The following P2RY1 variants were observed in gnomAD, a reference collection of about 807,000 sequenced individuals.
P2RY1 encodes the protein purinergic receptor P2Y1.
In P2RY1, 14 loss-of-function variants were observed where a neutral mutation model predicts 22.8. The observed-to-expected ratio is 0.61, with a 90% CI of 0.41 to 0.96. P2RY1 has a LOEUF of 0.96. Among genes scored for constraint, P2RY1 ranks in the 40% least tolerant of loss-of-function variants. The probability of loss-of-function intolerance (pLI) is 0.00; values close to 1 mark genes in which losing one functional copy is unlikely to be tolerated. For synonymous variants in P2RY1, 200 were observed against 195.1 expected (o/e 1.03, Z -0.21); for missense variants, 395 against 470.3 (o/e 0.84, Z 1.48).
In P2RY1 at chr3:152,836,341, C is replaced by A; in HGVS notation, c.559C>A (p.Leu187Ile). 1 of 1,614,088 alleles carries A rather than the reference C, an allele frequency of 6.2e-7. No individual in the cohort carries two copies. The highest frequency in any genetic ancestry group is 2.2e-5 in the East Asian group (1 of 44,872). The change falls in exon 1 of 1, where the codon CTC becomes ATC. Residue 187 changes from leucine to isoleucine, a missense_variant. Physicochemically the swap from Leu to Ile is conservative, Grantham distance 5. Around this residue, in one of 3 missense-constraint regions of P2RY1, gnomAD observed 291 missense variants for 361.6 expected, o/e 0.80. Transcript: ENST00000305097. This position sits in a 1 kb window ranked among gnomAD's most constrained non-coding sequence, Gnocchi z 5.6. Reference protein sequence around the residue: ...LIVVVAISPILFYSGTGVRKN... With the variant: ...LIVVVAISPIIFYSGTGVRKN... ...TGTGGTGGTGGCGATCTCCCCCATCCTCTTCTACTCAGGTACCGGGGTCCG... is the reference window on the plus strand; with the variant it reads ...TGTGGTGGTGGCGATCTCCCCCATCATCTTCTACTCAGGTACCGGGGTCCG...
In P2RY1 at chr3:152,835,815, C is replaced by T; in HGVS notation, c.33C>T (p.Asn11=). The change falls in exon 1 of 1, where the codon AAC becomes AAT. Residue 11 remains asparagine (N), a synonymous_variant. Transcript: ENST00000305097. ...AGGTGCTGTGGCCGGCTGTCCCCAA[C>T]GGGACGGACGCTGCCTTCCTGGCCG... MTEVLWPAVP[N]GTDAAFLAGP... The T allele has an allele frequency of 6.2e-7, 1 of 1,609,908 alleles. No individual in the cohort carries two copies. The highest frequency in any genetic ancestry group is 1.3e-5 in the African/African-American group (1 of 75,006).
Position 152,836,770 on chromosome 3 carries a change from A to T in P2RY1, c.988A>T (p.Thr330Ser), listed in dbSNP as rs761994089. 1.2e-5 allele frequency: 20 copies of T among 1,613,994 alleles called. No individual in the cohort carries two copies. The Admixed American group carries it at 3.2e-4, about 26-fold the overall frequency. Reference protein sequence around the residue: ...DPILYFLAGDTFRRRLSRATR... With the variant: ...DPILYFLAGDSFRRRLSRATR... ...CATTCTCTATTTCTTGGCGGGAGAT[A>T]CTTTCAGAAGGAGACTCTCCCGAGC... The change falls in exon 1 of 1, where the codon ACT (threonine) becomes TCT (serine). Residue 330 changes from threonine (T) to serine (S), a missense_variant. By Grantham distance (58) the Thr-to-Ser change is moderately conservative (BLOSUM62 1). Coordinates refer to ENST00000305097, the MANE Select transcript of P2RY1 (RefSeq NM_002563.5). The surrounding 1 kb of genome is among the most constrained non-coding windows in gnomAD (Gnocchi z 5.6).
chr3:152,838,711 C>T lies in P2RY1; in HGVS notation c.*1807C>T, dbSNP rs1716230830. The T allele has an allele frequency of 6.6e-6, 1 of 152,134 alleles. No individual in the cohort carries two copies. The highest frequency in any genetic ancestry group is 1.5e-5 in the Non-Finnish European group (1 of 68,030). 9.4% of individuals were successfully genotyped at this position (152,134 alleles called of 1,614,324 possible). A position where few individuals can be genotyped will look rare whatever the true frequency, so the allele number is the denominator to read the frequency against. Reference sequence around the variant, plus strand: ...GGCCACTAAGATCAATGAAGAAAAGCTGTATTTAACCTTCCAAAGCAGTGA... The same window carrying T: ...GGCCACTAAGATCAATGAAGAAAAGTTGTATTTAACCTTCCAAAGCAGTGA... On this transcript the variant is annotated 3_prime_UTR_variant, in exon 1 of 1. Transcript: ENST00000305097.
Position 152,836,454 on chromosome 3 carries a change from C to T in P2RY1, c.672C>T (p.Ala224=). The T allele has an allele frequency of 1.9e-6, 3 of 1,614,130 alleles. No individual in the cohort carries two copies. In the Admixed American group the frequency reaches 5.0e-5, roughly 27 times the overall value. The change falls in exon 1 of 1, where the codon GCC becomes GCT. Residue 224 remains alanine (A), a synonymous_variant. Transcript: ENST00000305097. This position sits in a 1 kb window ranked among gnomAD's most constrained non-coding sequence, Gnocchi z 5.6. ...TCTACAGCATGTGCACGACCGTGGC[C>T]ATGTTCTGTGTCCCCTTGGTGCTGA... The part of the protein sequence containing the change: ...YFIYSMCTTV[A]MFCVPLVLIL...
At position 152,836,005 on chromosome 3, in the gene P2RY1, A is replaced by T; in HGVS notation, c.223A>T (p.Met75Leu). Reference protein sequence around the residue: ...GFLGNSVAIWMFVFHMKPWSG... With the variant: ...GFLGNSVAIWLFVFHMKPWSG... ...CCTGGGCAACAGCGTGGCCATCTGG[A>T]TGTTCGTCTTCCACATGAAGCCCTG... The change falls in exon 1 of 1, where the codon ATG becomes TTG. Residue 75 changes from methionine (M) to leucine (L), a missense_variant. Met to Leu is a conservative substitution (Grantham distance 15). This residue lies in a region of P2RY1 where 6 missense variants were observed against 21.1 expected (regional missense o/e 0.28). Transcript: ENST00000305097. This position sits in a 1 kb window ranked among gnomAD's most constrained non-coding sequence, Gnocchi z 5.6. 2 of 1,614,034 alleles carry T rather than the reference A, an allele frequency of 1.2e-6. No homozygotes were observed. Among genetic ancestry groups the T allele is most frequent in the African/African-American group, 1.3e-5 (1 of 75,002 alleles).
chr3:152,835,669 C>T lies in P2RY1; in HGVS notation c.-114C>T, dbSNP rs1474773805. ...CGCCCCCTCCCGCGGGGATCCAGTT[C>T]GCCTGCTCCCTTCCGCTCGCTGGCT... is the stretch of plus-strand genomic sequence containing the variant. On this transcript the variant is annotated 5_prime_UTR_variant, in exon 1 of 1. Transcript: ENST00000305097. 2.8e-6 allele frequency: 3 copies of T among 1,054,744 alleles called. No individual in the cohort carries two copies. The highest frequency in any genetic ancestry group is 4.0e-6 in the Non-Finnish European group (3 of 750,730). The allele number at this position is 1,054,744 out of a possible 1,614,324, so 65.3% of individuals were successfully genotyped here.
Position 152,835,614 on chromosome 3 carries a change from G to C in P2RY1, c.-169G>C, listed in dbSNP as rs112490380. The C allele has an allele frequency of 1.6e-6, 1 of 638,776 alleles. No homozygotes were observed. The highest frequency in any genetic ancestry group is 2.6e-6 in the Non-Finnish European group (1 of 390,246). The allele number at this position is 638,776 out of a possible 1,614,324, so 39.6% of individuals were successfully genotyped here. A position where few individuals can be genotyped will look rare whatever the true frequency, so the allele number is the denominator to read the frequency against. ...ATTTCATGGCCCGCGGCGAACGCGG[G>C]GCCAGAGCTGGCGTGGGCGAGCCCC... On this transcript the variant is annotated 5_prime_UTR_variant, in exon 1 of 1. Transcript: ENST00000305097.
Position 152,835,792 on chromosome 3 carries a change from G to A in P2RY1, c.10G>A (p.Val4Met), listed in dbSNP as rs773862077. ...AGTCGAGGAGGAGAGAATGACCGAG[G>A]TGCTGTGGCCGGCTGTCCCCAACGG... MTEVLWPAVPNGTD... is the reference protein window; with the variant it reads MTEMLWPAVPNGTD... The change falls in exon 1 of 1, where the codon GTG (valine) becomes ATG (methionine). Residue 4 changes from valine (V) to methionine (M), a missense_variant. Coordinates refer to ENST00000305097, the MANE Select transcript of P2RY1 (RefSeq NM_002563.5). The A allele has an allele frequency of 8.7e-6, 14 of 1,601,672 alleles. No homozygotes were observed. The highest frequency in any genetic ancestry group is 1.2e-5 in the Non-Finnish European group (14 of 1,175,716).
rs1716190908 is a variant in P2RY1, at chr3:152,837,323, T to TA, written c.*425dup. ...GTTTTTTTAAAATCCACAGTAGGAA[T>TA]AAAAAATCTATATTCTCAGAAATAT... On this transcript the variant is annotated 3_prime_UTR_variant, in exon 1 of 1. Coordinates refer to ENST00000305097, the MANE Select transcript of P2RY1 (RefSeq NM_002563.5). 1 of 176,692 alleles carries TA rather than the reference T, an allele frequency of 5.7e-6. No individual in the cohort carries two copies. The highest frequency in any genetic ancestry group is 1.9e-4 in the East Asian group (1 of 5,372). 10.9% of individuals were successfully genotyped at this position (176,692 alleles called of 1,614,324 possible). A position where few individuals can be genotyped will look rare whatever the true frequency, so the allele number is the denominator to read the frequency against.
In P2RY1 at chr3:152,835,411, A is replaced by G. The variant is rs981870420; in HGVS notation, c.-372A>G. On this transcript the variant is annotated 5_prime_UTR_variant, in exon 1 of 1. An upstream open reading frame in the 5' UTR loses its in-frame stop. Transcript: ENST00000305097. ...AGCCCTGCAGAGCGAGTTTCCCTTGACCTCGCTGCGCCTCTGGCGCGCTCT... is the reference window on the plus strand; with the variant it reads ...AGCCCTGCAGAGCGAGTTTCCCTTGGCCTCGCTGCGCCTCTGGCGCGCTCT... 3.9e-6 allele frequency: 1 copy of G among 257,680 alleles called. No homozygotes were observed. Among genetic ancestry groups the G allele is most frequent in the Non-Finnish European group, 7.3e-6 (1 of 136,726 alleles). 16.0% of individuals were successfully genotyped at this position (257,680 alleles called of 1,614,324 possible).
At position 152,836,417 on chromosome 3, in the gene P2RY1, G is replaced by A. The variant is rs1559896747; in HGVS notation, c.635G>A (p.Arg212Gln). The A allele has an allele frequency of 1.9e-6, 3 of 1,614,108 alleles. No individual in the cohort carries two copies. The highest frequency in any genetic ancestry group is 1.7e-5 in the Admixed American group (1 of 60,022). Residue 212 changes from arginine to glutamine, a missense_variant, in exon 1 of 1, where the codon CGA becomes CAA. This residue lies in a region of P2RY1 where 291 missense variants were observed against 361.6 expected (regional missense o/e 0.80). Transcript: ENST00000305097. This position sits in a 1 kb window ranked among gnomAD's most constrained non-coding sequence, Gnocchi z 5.6. ...CYDTTSDEYL[R>Q]SYFIYSMCTT... ...GACACCACCTCAGACGAGTACCTGC[G>A]AAGTTATTTCATCTACAGCATGTGC...
Position 152,836,375 on chromosome 3 carries a change from A to C in P2RY1, c.593A>C (p.Lys198Thr). Residue 198 changes from lysine to threonine, a missense_variant, in exon 1 of 1, where the codon AAA becomes ACA. By Grantham distance (78) the Lys-to-Thr change is moderately conservative. This residue lies in a region of P2RY1 where 291 missense variants were observed against 361.6 expected (regional missense o/e 0.80). Coordinates refer to ENST00000305097, the MANE Select transcript of P2RY1 (RefSeq NM_002563.5). This position sits in a 1 kb window ranked among gnomAD's most constrained non-coding sequence, Gnocchi z 5.6. ...FYSGTGVRKN[K>T]TITCYDTTSD... ...TCAGGTACCGGGGTCCGCAAAAACA[A>C]AACCATCACCTGTTACGACACCACC... The C allele has an allele frequency of 6.2e-7, 1 of 1,614,044 alleles. No homozygotes were observed. Among genetic ancestry groups the C allele is most frequent in the Non-Finnish European group, 8.5e-7 (1 of 1,180,004 alleles).
rs1716283140 is a variant in P2RY1 at position 152,840,951 on chromosome 3, A to G, written c.*4047A>G. On this transcript the variant is annotated 3_prime_UTR_variant, in exon 1 of 1. Coordinates refer to ENST00000305097, the MANE Select transcript of P2RY1 (RefSeq NM_002563.5). ...ATCACAAATTAATATGAAGGTGAAT[A>G]TATGTTACATATCAAAATTTGTGAA... 6.6e-6 allele frequency: 1 copy of G among 152,162 alleles called. No individual in the cohort carries two copies. The highest frequency in any genetic ancestry group is 1.5e-5 in the Non-Finnish European group (1 of 68,018). 9.4% of individuals were successfully genotyped at this position (152,162 alleles called of 1,614,324 possible).
Position 152,837,584 on chromosome 3 carries a change from G to A in P2RY1, c.*680G>A, listed in dbSNP as rs545813575. The A allele has an allele frequency of 6.0e-6, 1 of 167,128 alleles. No individual in the cohort carries two copies. The highest frequency in any genetic ancestry group is 1.5e-5 in the Non-Finnish European group (1 of 68,156). 10.4% of individuals were successfully genotyped at this position (167,128 alleles called of 1,614,324 possible). ...ATATATTGGGTGCTAAATGTTTGATGGGGAAAGCCTGCATATATTATCGTA... is the reference window on the plus strand; with the variant it reads ...ATATATTGGGTGCTAAATGTTTGATAGGGAAAGCCTGCATATATTATCGTA... On this transcript the variant is annotated 3_prime_UTR_variant, in exon 1 of 1. Coordinates refer to ENST00000305097, the MANE Select transcript of P2RY1 (RefSeq NM_002563.5).
rs759555598 is a variant in P2RY1 at position 152,835,869 on chromosome 3, G to T, written c.87G>T (p.Thr29=). ...AGPGSSWGNS[T]VASTAAVSSS... is the part of the protein sequence containing the mutation. The stretch of plus-strand genomic sequence containing the variant: ...CGGGTTCGTCCTGGGGGAACAGCAC[G>T]GTCGCCTCCACTGCCGCCGTCTCCT... Residue 29 remains threonine, a synonymous_variant, in exon 1 of 1, where the codon ACG becomes ACT. Coordinates refer to ENST00000305097, the MANE Select transcript of P2RY1 (RefSeq NM_002563.5). 3 of 1,613,720 alleles carry T rather than the reference G, an allele frequency of 1.9e-6. No homozygotes were observed. In the East Asian group the frequency reaches 6.7e-5, roughly 36 times the overall value.
In P2RY1 at chr3:152,836,010, C is replaced by T. The variant is rs201004942; in HGVS notation, c.228C>T (p.Phe76=). The change falls in exon 1 of 1, where the codon TTC becomes TTT. Residue 76 remains phenylalanine, a synonymous_variant. Coordinates refer to ENST00000305097, the MANE Select transcript of P2RY1 (RefSeq NM_002563.5). This position sits in a 1 kb window ranked among gnomAD's most constrained non-coding sequence, Gnocchi z 5.6. The part of the protein sequence containing the change: ...FLGNSVAIWM[F]VFHMKPWSGI... Reference sequence around the variant, plus strand: ...GCAACAGCGTGGCCATCTGGATGTTCGTCTTCCACATGAAGCCCTGGAGCG... The same window carrying T: ...GCAACAGCGTGGCCATCTGGATGTTTGTCTTCCACATGAAGCCCTGGAGCG... 8 of 1,614,202 alleles carry T rather than the reference C, an allele frequency of 5.0e-6. No homozygotes were observed. The highest frequency in any genetic ancestry group is 5.9e-6 in the Non-Finnish European group (7 of 1,180,046).
rs1716143308 is a variant in P2RY1 at position 152,835,887 on chromosome 3, C to T, written c.105C>T (p.Ala35=). The T allele has an allele frequency of 1.2e-6, 2 of 1,614,050 alleles. No homozygotes were observed. Among genetic ancestry groups the T allele is most frequent in the Non-Finnish European group, 1.7e-6 (2 of 1,180,046 alleles). Residue 35 remains alanine, a synonymous_variant, in exon 1 of 1, where the codon GCC becomes GCT. Transcript: ENST00000305097. ...ACAGCACGGTCGCCTCCACTGCCGCCGTCTCCTCGTCGTTCAAATGCGCCT... is the reference window on the plus strand; with the variant it reads ...ACAGCACGGTCGCCTCCACTGCCGCTGTCTCCTCGTCGTTCAAATGCGCCT... ...WGNSTVASTA[A]VSSSFKCALT...
rs370708485 is a variant in P2RY1 at position 152,836,684 on chromosome 3, G to A, written c.902G>A (p.Arg301Lys). ...CCAGCAATGTGTGCTTTCAATGACA[G>A]GGTTTATGCCACGTATCAGGTGACA... ...QTPAMCAFND[R>K]VYATYQVTRG... The change falls in exon 1 of 1, where the codon AGG becomes AAG. Residue 301 changes from arginine (R) to lysine (K), a missense_variant. Arg to Lys is a conservative substitution (Grantham distance 26). This residue lies in a region of P2RY1 where 291 missense variants were observed against 361.6 expected (regional missense o/e 0.80). Transcript: ENST00000305097. This position sits in a 1 kb window ranked among gnomAD's most constrained non-coding sequence, Gnocchi z 5.6. 26 of 1,614,064 alleles carry A rather than the reference G, an allele frequency of 1.6e-5. No homozygotes were observed. In the African/African-American group the frequency reaches 3.5e-4, roughly 22 times the overall value.
rs1386039411 is a variant in P2RY1, at chr3:152,838,315, T to C, written c.*1411T>C. 6.6e-6 allele frequency: 1 copy of C among 152,228 alleles called. No individual in the cohort carries two copies. The highest frequency in any genetic ancestry group is 1.5e-5 in the Non-Finnish European group (1 of 68,030). The allele number at this position is 152,228 out of a possible 1,614,324, so 9.4% of individuals were successfully genotyped here. On this transcript the variant is annotated 3_prime_UTR_variant, in exon 1 of 1. Coordinates refer to ENST00000305097, the MANE Select transcript of P2RY1 (RefSeq NM_002563.5). Reference sequence around the variant, plus strand: ...TTGTAAAATGCTTCAACAGTGTTAATAATTTTAATGAATATTGAATTGCTG... The same window carrying C: ...TTGTAAAATGCTTCAACAGTGTTAACAATTTTAATGAATATTGAATTGCTG...
Sources: gnomAD v4.1 joint callset for allele counts on GRCh38, gnomAD v4.1.1 for gene constraint, gnomAD v4.1.1 regional missense constraint, Gnocchi (gnomAD v3.1) non-coding constraint, MANE v1.5 for transcripts, NCBI Gene and HGNC (gene_info 2026-07-23, HGNC 2026-07-21) for gene names.